The following NPAS3 variants were observed in gnomAD, a reference collection of about 807,000 sequenced individuals.
The protein encoded by NPAS3 is neuronal PAS domain-containing protein 3.
In NPAS3, 14 loss-of-function variants were observed where a neutral mutation model predicts 73.1. The observed-to-expected ratio is 0.19, with a 90% CI of 0.13 to 0.30. The LOEUF (loss-of-function observed/expected upper bound fraction) is 0.30. Ranked by LOEUF, NPAS3 falls within the 10% of genes least tolerant of loss-of-function variation. NPAS3 has a pLI of 1.00. For missense variants in NPAS3, 1,096 were observed against 1,250.0 expected (o/e 0.88, Z 1.86); for synonymous variants, 620 against 541.5 (o/e 1.14, Z -2.01).
At chr14:33,321,656 TA>T (rs2043453550) in intron 3 of NPAS3, among the ~76,000 whole-genome samples, 1 of 151,966 alleles carries the variant, frequency 6.6e-6, no homozygotes, top group Non-Finnish European at 1.5e-5. Context: ...TCCTCAACTG[TA>T]AAATGGAGTT....
At chr14:33,575,989 G>C (rs1184862050) in intron 5 of NPAS3, among the ~76,000 whole-genome samples, 2 of 151,928 alleles carry the variant, frequency 1.3e-5, no homozygotes, top group Non-Finnish European at 1.5e-5. Flanking sequence ...CACCCCCCTT[G>C]TAGGCACCTC....
intron 5 of NPAS3, chr14:33,612,363 T>C (rs1484390705): frequency 2.2e-6 from 1 of 454,502 alleles, no homozygotes; most frequent in African/African-American, 2.0e-5. Flanking sequence ...ACATTCTGCT[T>C]CCCCACGCCC....
At chr14:33,686,444 C>T (rs944089) in intron 6 of NPAS3, among the ~76,000 whole-genome samples, 1 of 152,134 alleles carries the variant, frequency 6.6e-6, no homozygotes, top group Admixed American at 6.5e-5. Flanking sequence ...TTAGAAGGAA[C>T]CTTCCTTGAG....
intron 6 of NPAS3, among the ~76,000 whole-genome samples, chr14:33,723,065 A>C (rs751546068): frequency 6.6e-6 from 1 of 152,214 alleles, no homozygotes; most frequent in Non-Finnish European, 1.5e-5. Context: ...AAAATTGGCC[A>C]TTGTGTCAGA....
At chr14:33,122,621 G>A (rs1011569383) in intron 2 of NPAS3, among the ~76,000 whole-genome samples, 1 of 152,050 alleles carries the variant, frequency 6.6e-6, no homozygotes, top group African/African-American at 2.4e-5. Flanking sequence ...CCTTCATGTT[G>A]TGATACTCAG....
intron 5 of NPAS3, among the ~76,000 whole-genome samples, chr14:33,581,262 AG>A (rs1032383325): frequency 6.6e-6 from 1 of 152,208 alleles, no homozygotes; most frequent in African/African-American, 2.4e-5. Context: ...AGAGGCAAAA[AG>A]GGGACTTGTG....
At chr14:33,068,066 A>AT (rs2041342746) in intron 2 of NPAS3, among the ~76,000 whole-genome samples, 1 of 152,188 alleles carries the variant, frequency 6.6e-6, no homozygotes, top group Non-Finnish European at 1.5e-5. Context: ...GGTTCAGATA[A>AT]ATACTTGAGT....
chr14:33,781,132 G>A (rs2062967222), intron 9 of NPAS3, among the ~76,000 whole-genome samples: 1 of 152,170 alleles, frequency 6.6e-6, no homozygotes, highest in Non-Finnish European at 1.5e-5. Flanking sequence ...ACTGTAGGGG[G>A]AGGAAAAAGA....
In NPAS3 at chr14:33,225,942, A is replaced by T. The variant is rs568068191; in HGVS notation, c.385+10516A>T. Among the ~76,000 whole-genome samples, 73 of 152,316 alleles carry T rather than the reference A, an allele frequency of 4.8e-4. 1 individual carries two copies. Among genetic ancestry groups the T allele is most frequent in the African/African-American group, 1.7e-3 (70 of 41,582 alleles). On this transcript the variant is annotated intron_variant, in intron 3 of 11. Transcript: ENST00000356141. ...ATGAATGGCCAGAAATATGTTTTTT[A>T]AAAAAATTATCTTCAGTGCTAATGT...
chr14:33,593,533 G>A (rs2057140195), intron 5 of NPAS3, among the ~76,000 whole-genome samples: 1 of 152,190 alleles, frequency 6.6e-6, no homozygotes, highest in African/African-American at 2.4e-5. Flanking sequence ...GCATTTGGGG[G>A]AAACTGCAGA....
intron 5 of NPAS3, among the ~76,000 whole-genome samples, chr14:33,600,388 GA>G (rs1296953298): frequency 2.0e-5 from 3 of 152,096 alleles, no homozygotes; most frequent in Non-Finnish European, 2.9e-5. Context: ...ACCTGTGCTG[GA>G]TTTTTGTAGA....
intron 1 of NPAS3, among the ~76,000 whole-genome samples, chr14:32,942,676 G>C (rs924785286): frequency 1.3e-5 from 2 of 152,284 alleles, no homozygotes; most frequent in African/African-American, 4.8e-5. Flanking sequence ...AAGGCTTTTG[G>C]TTTAAAAAGT....
intron 1 of NPAS3, among the ~76,000 whole-genome samples, chr14:32,981,460 AT>A (rs997388711): frequency 2.6e-5 from 4 of 152,242 alleles, no homozygotes; most frequent in African/African-American, 9.6e-5. Context: ...CCATTTAATT[AT>A]TTTTTAACAA....
chr14:33,574,757 G>GA (rs776193291), intron 5 of NPAS3, among the ~76,000 whole-genome samples: 1 of 152,168 alleles, frequency 6.6e-6, no homozygotes, highest in African/African-American at 2.4e-5. Flanking sequence ...GAATAAGCTT[G>GA]ATGGTATGAA....
Position 33,242,966 on chromosome 14 carries a change from C to T in NPAS3, c.385+27540C>T, listed in dbSNP as rs201321955. Among the ~76,000 whole-genome samples the T allele has an allele frequency of 2.0e-5, 3 of 152,036 alleles. No individual in the cohort carries two copies. The East Asian group carries it at 5.8e-4, about 29-fold the overall frequency. On this transcript the variant is annotated intron_variant, in intron 3 of 11. Coordinates refer to ENST00000356141, the Ensembl canonical transcript of NPAS3. ...CCTCTCTACAGTCTATATTTGAAGG[C>T]TTTTAAACCTAAAGTACATTTTTAT...
At chr14:33,625,322 C>A (rs1282851439) in intron 5 of NPAS3, among the ~76,000 whole-genome samples, 1 of 152,194 alleles carries the variant, frequency 6.6e-6, no homozygotes, top group Non-Finnish European at 1.5e-5. Context: ...TAACAGAGAC[C>A]ACTTTTCCAG....
intron 1 of NPAS3, among the ~76,000 whole-genome samples, chr14:33,043,457 G>A (rs1014459126): frequency 3.3e-5 from 5 of 152,000 alleles, no homozygotes; most frequent in African/African-American, 1.2e-4. Context: ...CTGATATCAG[G>A]CAATTTATCT....
chr14:32,942,418 T>C (rs763775902), intron 1 of NPAS3, among the ~76,000 whole-genome samples: 8 of 152,256 alleles, frequency 5.3e-5, no homozygotes, highest in Non-Finnish European at 1.0e-4. Flanking sequence ...GGTTACTATT[T>C]AGTGCTCCTT....
chr14:33,093,053 G>A (rs1021570870), intron 2 of NPAS3, among the ~76,000 whole-genome samples: 1 of 152,172 alleles, frequency 6.6e-6, no homozygotes, highest in Admixed American at 6.5e-5. Context: ...CAGGACATAG[G>A]CATGGGCAAG....
Sources: gnomAD v4.1 joint callset for allele counts (sites outside exome capture counted in the v4.1 genomes callset) on GRCh38, gnomAD v4.1.1 for gene constraint, MANE v1.5 for transcripts, NCBI Gene and HGNC (gene_info 2026-07-23, HGNC 2026-07-21) for gene names.